The following SEPTIN10 variants were observed in gnomAD, a reference collection of about 807,000 sequenced individuals.
SEPTIN10 encodes the protein septin 10, also known as septin-10.
Under a neutral mutation model 54.8 loss-of-function variants are expected in SEPTIN10, and 66 were observed. That is an observed-to-expected ratio of 1.21 (90% CI 0.99 to 1.48). The LOEUF is 1.48. Ranked by LOEUF, SEPTIN10 falls within the 40% of genes most tolerant of loss-of-function variation. The probability of loss-of-function intolerance (pLI) is 0.00; values close to 1 mark genes in which losing one functional copy is unlikely to be tolerated. For synonymous variants in SEPTIN10, 161 were observed against 181.0 expected, an observed-to-expected ratio of 0.89 and a Z score of 0.89; for missense variants, 620 against 545.6, an observed-to-expected ratio of 1.14 and a Z score of -1.36.
chr2:109,577,392 G>C (rs544613422), intron 4 of SEPTIN10, among the ~76,000 whole-genome samples: 10 of 152,060 alleles, frequency 6.6e-5, no homozygotes, highest in Admixed American at 4.6e-4. Context: ...TCAGGAGTTC[G>C]AGACCAGCCT....
intron 2 of SEPTIN10, 79 bp downstream of exon 2, chr2:109,592,972 T>A (rs1312696706): frequency 3.2e-6 from 3 of 931,804 alleles, no homozygotes; most frequent in Non-Finnish European, 4.7e-6. Flanking sequence ...CAAGAGTCTA[T>A]AAGCACTCCA....
chr2:109,551,885 G>C (rs936905066), intron 9 of SEPTIN10, among the ~76,000 whole-genome samples: 3 of 152,182 alleles, frequency 2.0e-5, no homozygotes, highest in African/African-American at 7.2e-5. Flanking sequence ...AACTACAGAA[G>C]TTCAGTGATT....
Position 109,544,179 on chromosome 2 carries a change from C to G in SEPTIN10, c.*130G>C, listed in dbSNP as rs761350919. On this transcript the variant is annotated 3_prime_UTR_variant, in exon 11 of 11. Transcript: ENST00000397712. The stretch of plus-strand genomic sequence containing the variant: ...CTTGAAAGTACTTTTCCATAAATAT[C>G]AGTAACTGTGGCTGTTCACCAAATA... 1 of 1,589,956 alleles carries G rather than the reference C, an allele frequency of 6.3e-7. No homozygotes were observed. The highest frequency in any genetic ancestry group is 1.7e-4 in the Middle Eastern group (1 of 5,872).
intron 5 of SEPTIN10, among the ~76,000 whole-genome samples, chr2:109,570,900 G>A (rs1322447624): frequency 6.6e-6 from 1 of 152,184 alleles, no homozygotes; most frequent in East Asian, 1.9e-4. Flanking sequence ...ATACAGTCAT[G>A]TGTGGCTTAA....
chr2:109,547,369 G>GTTTTTTTTTTTTTTTTTTTTTT (rs35573327), intron 9 of SEPTIN10, among the ~76,000 whole-genome samples: 2 of 117,874 alleles, frequency 1.7e-5, no homozygotes, highest in African/African-American at 3.2e-5. Flanking sequence ...TAATAAACTT[G>GTTTTTTTTTTTTTTTTTTTTTT]TTTTTTTTTT....
At chr2:109,557,371 CTATT>C (rs564340597) in intron 8 of SEPTIN10, among the ~76,000 whole-genome samples, 7 of 152,188 alleles carry the variant, frequency 4.6e-5, no homozygotes, top group Middle Eastern at 3.4e-3. Flanking sequence ...TTTATGTTGA[CTATT>C]TAATTCCCAC....
chr2:109,613,916 A>T lies in SEPTIN10; in HGVS notation c.-89T>A, dbSNP rs3829700. On this transcript the variant is annotated 5_prime_UTR_variant, in exon 1 of 11. Transcript: ENST00000397712. ...GACGGCGGCGGGAAGGCCGGAGGGC[A>T]GAAGCAACGGGCGGGGCGCGAGGCT... 0.45 allele frequency: 546,369 copies of T among 1,220,856 alleles called. 125,892 individuals carry two copies. The highest frequency in any genetic ancestry group is 0.74 in the African/African-American group (47,195 of 63,982). 75.6% of individuals were successfully genotyped at this position (1,220,856 alleles called of 1,614,324 possible).
intron 8 of SEPTIN10, among the ~76,000 whole-genome samples, chr2:109,556,911 A>G (rs562865143): frequency 1.3e-5 from 2 of 152,302 alleles, no homozygotes; most frequent in East Asian, 1.9e-4. Flanking sequence ...TCAGCAAACT[A>G]TCGCAAGGAC....
chr2:109,587,347 A>C (rs929149326), intron 2 of SEPTIN10, among the ~76,000 whole-genome samples: 5 of 152,200 alleles, frequency 3.3e-5, no homozygotes, highest in African/African-American at 9.6e-5. Context: ...AAAAAAGATA[A>C]AACTATGACA....
rs529745588 is a variant in SEPTIN10, at chr2:109,553,193, C to T, written c.1055G>A (p.Arg352Lys). 9.3e-6 allele frequency: 15 copies of T among 1,614,106 alleles called. No homozygotes were observed. In the South Asian group the frequency reaches 1.5e-4, roughly 17 times the overall value. ...VSVQETYEAKRHEFHGERQRK... is the reference protein window; with the variant it reads ...VSVQETYEAKKHEFHGERQRK... ...CTGACGTTCACCATGGAACTCATGTCTTTTGGCTTCATAGGTCTCTTGAAC... is the reference window on the plus strand; with the variant it reads ...CTGACGTTCACCATGGAACTCATGTTTTTTGGCTTCATAGGTCTCTTGAAC... Residue 352 changes from arginine to lysine, a missense_variant, in exon 9 of 11, where the codon AGA becomes AAA. Physicochemically the swap from Arg to Lys is conservative, Grantham distance 26. Coordinates refer to ENST00000397712, the MANE Select transcript of SEPTIN10 (RefSeq NM_144710.5).
At chr2:109,600,778 C>T (rs868314327) in intron 1 of SEPTIN10, among the ~76,000 whole-genome samples, 140 of 152,310 alleles carry the variant, frequency 9.2e-4, no homozygotes, top group African/African-American at 3.3e-3. Flanking sequence ...CTCTGCTCAT[C>T]GCCAGCCCCA....
At position 109,613,958 on chromosome 2, in the gene SEPTIN10, G is replaced by A. The variant is rs531889512; in HGVS notation, c.-131C>T. The A allele has an allele frequency of 4.0e-5, 49 of 1,210,004 alleles. No homozygotes were observed. The highest frequency in any genetic ancestry group is 4.7e-5 in the Non-Finnish European group (46 of 974,038). The allele number at this position is 1,210,004 out of a possible 1,614,324, so 75.0% of individuals were successfully genotyped here. A position where few individuals can be genotyped will look rare whatever the true frequency, so the allele number is the denominator to read the frequency against. ...CGCGAGGCTAGGCTGCCTCCGCGAC[G>A]GGGAAGGGACAGGGGCGGGGCCGAG... On this transcript the variant is annotated 5_prime_UTR_variant, in exon 1 of 11. Coordinates refer to ENST00000397712, the MANE Select transcript of SEPTIN10 (RefSeq NM_144710.5).
At chr2:109,588,822 G>T (rs1472343374) in intron 2 of SEPTIN10, among the ~76,000 whole-genome samples, 1 of 143,546 alleles carries the variant, frequency 7.0e-6, no homozygotes, top group African/African-American at 2.6e-5. Context: ...GTTGGGTGTG[G>T]TAAGTTAAAG....
chr2:109,584,857 T>C (rs1028932105), intron 4 of SEPTIN10, among the ~76,000 whole-genome samples: 2 of 152,236 alleles, frequency 1.3e-5, no homozygotes, highest in African/African-American at 4.8e-5. Flanking sequence ...TGAATTTGCA[T>C]GTCAGGAAAT....
chr2:109,589,195 T>C (rs1315813451), intron 2 of SEPTIN10, among the ~76,000 whole-genome samples: 1 of 151,980 alleles, frequency 6.6e-6, no homozygotes, highest in Non-Finnish European at 1.5e-5. Flanking sequence ...CAGGCTGGAG[T>C]GCAGTCGTGC....
At position 109,567,827 on chromosome 2, in the gene SEPTIN10, G is replaced by A. The variant is rs766355314; in HGVS notation, c.750C>T (p.Asn250=). ...ATCAGGAGCTCACATTCATTGCAGCGTTGACCTTAGCAATAGTGTCATCAT... is the reference window on the plus strand; with the variant it reads ...ATCAGGAGCTCACATTCATTGCAGCATTGACCTTAGCAATAGTGTCATCAT... ...PTDDDTIAKV[N]AAMNGQLPFA... Residue 250 remains asparagine (N), a synonymous_variant, in exon 6 of 11, where the codon AAC becomes AAT. Transcript: ENST00000397712. 42 of 1,601,904 alleles carry A rather than the reference G, an allele frequency of 2.6e-5. No homozygotes were observed. In the South Asian group the frequency reaches 2.7e-4, roughly 10 times the overall value.
intron 3 of SEPTIN10, 30 bp downstream of exon 3, chr2:109,585,691 C>A (rs372998502): frequency 6.9e-7 from 1 of 1,443,096 alleles, no homozygotes; most frequent in Non-Finnish European, 9.7e-7. Flanking sequence ...TATGAAGGAA[C>A]AACTTAGAGG....
intron 1 of SEPTIN10, among the ~76,000 whole-genome samples, chr2:109,599,205 C>T (rs1380641766): frequency 6.6e-6 from 1 of 151,998 alleles, no homozygotes; most frequent in Non-Finnish European, 1.5e-5. Flanking sequence ...CACCTGTAAC[C>T]CCAGCACTCT....
intron 9 of SEPTIN10, among the ~76,000 whole-genome samples, chr2:109,551,400 T>C (rs193031230): frequency 4.4e-4 from 67 of 152,318 alleles, no homozygotes; most frequent in African/African-American, 1.4e-3. Flanking sequence ...TGAGAAACTC[T>C]TGAATAAAAG....
Sources: allele counts gnomAD v4.1 joint callset (sites outside exome capture counted in the v4.1 genomes callset), GRCh38; gene constraint gnomAD v4.1.1; transcripts MANE v1.5; gene names NCBI Gene and HGNC (gene_info 2026-07-23, HGNC 2026-07-21).